DNER: variants seen among roughly 807,000 people sequenced by gnomAD.
The protein encoded by DNER is delta and Notch-like epidermal growth factor-related receptor.
A neutral mutation model predicts 78.2 loss-of-function variants in DNER; 33 were observed. The ratio of observed to expected loss-of-function variants is 0.42; its 90% CI spans 0.32 to 0.56. The LOEUF is 0.56. Ranked by LOEUF, DNER falls within the 20% of genes least tolerant of loss-of-function variation. The pLI, the probability that DNER is intolerant of heterozygous loss-of-function variation, is 0.11. For synonymous variants in DNER, 417 were observed against 384.8 expected (o/e 1.08, Z -0.98); for missense variants, 918 against 975.3 (o/e 0.94, Z 0.78).
chr2:229,413,524 T>C lies in DNER; in HGVS notation c.1609+4584A>G, dbSNP rs185475997. Among the ~76,000 whole-genome samples, 622 of 151,526 alleles carry C rather than the reference T, an allele frequency of 4.1e-3. 4 individuals are homozygous for C. Among genetic ancestry groups the C allele is most frequent in the African/African-American group, 0.014 (565 of 41,406 alleles). ...TTTTAGTAGAGATGGGGTTTCACCA[T>C]GTTAGCCAGGCTGGTCTCGAACTCC... On this transcript the variant is annotated intron_variant, in intron 9 of 12. Coordinates refer to ENST00000341772, the MANE Select transcript of DNER (RefSeq NM_139072.4).
chr2:229,713,496 G>A (rs1262246642), intron 1 of DNER, among the ~76,000 whole-genome samples: 2 of 152,332 alleles, frequency 1.3e-5, no homozygotes, highest in African/African-American at 4.8e-5. Flanking sequence ...CCCTGCCAGC[G>A]CCACGTACAA....
At chr2:229,706,851 C>G (rs2154217813) in intron 1 of DNER, among the ~76,000 whole-genome samples, 1 of 152,270 alleles carries the variant, frequency 6.6e-6, no homozygotes, top group Middle Eastern at 3.4e-3. Context: ...GCTGGGATTA[C>G]AGGTGTAAGC....
chr2:229,537,971 T>G (rs1489419321), intron 5 of DNER, among the ~76,000 whole-genome samples: 2 of 152,160 alleles, frequency 1.3e-5, no homozygotes, highest in African/African-American at 4.8e-5. Flanking sequence ...TAACGTAAAA[T>G]GCAGCAATGT....
At chr2:229,522,346 AG>A (rs1696116992) in intron 5 of DNER, among the ~76,000 whole-genome samples, 1 of 152,200 alleles carries the variant, frequency 6.6e-6, no homozygotes, top group Non-Finnish European at 1.5e-5. Context: ...GCACTCTTGG[AG>A]TGGTTATAAT....
chr2:229,608,742 A>G (rs1002390865), intron 1 of DNER, among the ~76,000 whole-genome samples: 6 of 152,068 alleles, frequency 3.9e-5, no homozygotes, highest in South Asian at 2.1e-4. Context: ...GTTGGGGAGG[A>G]GTAGGGTAGT....
chr2:229,509,017 G>A (rs1695806692), intron 6 of DNER, among the ~76,000 whole-genome samples: 1 of 152,224 alleles, frequency 6.6e-6, no homozygotes, highest in African/African-American at 2.4e-5. Context: ...GAACAAAGGA[G>A]GAGCCTATAA....
intron 6 of DNER, among the ~76,000 whole-genome samples, chr2:229,508,749 C>T (rs1241071013): frequency 6.6e-6 from 1 of 152,028 alleles, no homozygotes; most frequent in East Asian, 1.9e-4. Context: ...GGCGTGGTGG[C>T]AAGCACCTGT....
intron 6 of DNER, among the ~76,000 whole-genome samples, chr2:229,490,259 G>A (rs1453504697): frequency 6.6e-6 from 1 of 152,122 alleles, no homozygotes; most frequent in Non-Finnish European, 1.5e-5. Context: ...AAATTGAAGA[G>A]GGAGTACATC....
At chr2:229,690,247 T>A (rs915897075) in intron 1 of DNER, among the ~76,000 whole-genome samples, 1 of 152,204 alleles carries the variant, frequency 6.6e-6, no homozygotes, top group African/African-American at 2.4e-5. Context: ...GTCTAATATG[T>A]GGCCTGGGTT....
intron 1 of DNER, among the ~76,000 whole-genome samples, chr2:229,621,207 T>C (rs1698246049): frequency 6.6e-6 from 1 of 152,222 alleles, no homozygotes; most frequent in African/African-American, 2.4e-5. Flanking sequence ...ACGCCTACCA[T>C]CAGAAATTAC....
At chr2:229,520,482 A>T (rs1454907208) in intron 5 of DNER, among the ~76,000 whole-genome samples, 1 of 152,230 alleles carries the variant, frequency 6.6e-6, no homozygotes, top group Non-Finnish European at 1.5e-5. Flanking sequence ...ATTCATAGTT[A>T]AATGTCCAAA....
chr2:229,598,984 C>T (rs1697775653), intron 1 of DNER, among the ~76,000 whole-genome samples: 1 of 152,114 alleles, frequency 6.6e-6, no homozygotes, highest in Non-Finnish European at 1.5e-5. Flanking sequence ...AGGTCAGCTC[C>T]TCCAATATTA....
chr2:229,660,277 C>G lies in DNER; in HGVS notation c.276+53871G>C, dbSNP rs888471113. Among the ~76,000 whole-genome samples the G allele has an allele frequency of 2.3e-4, 35 of 152,148 alleles. 2 individuals carry two copies. Among genetic ancestry groups the G allele is most frequent in the Non-Finnish European group, 4.4e-5 (3 of 68,032 alleles). On this transcript the variant is annotated intron_variant, in intron 1 of 12. Coordinates refer to ENST00000341772, the MANE Select transcript of DNER (RefSeq NM_139072.4). ...TTTCCTGATCCTCTCCCTCCTCCCA[C>G]CCTCTACCCTCCAAAAGGCCCCAAT...
At chr2:229,522,082 G>C (rs1351193855) in intron 5 of DNER, among the ~76,000 whole-genome samples, 3 of 151,960 alleles carry the variant, frequency 2.0e-5, no homozygotes, top group Non-Finnish European at 4.4e-5. Flanking sequence ...TTCAGGACTT[G>C]ACATTCATGA....
chr2:229,426,038 T>C (rs1383838974), intron 8 of DNER, among the ~76,000 whole-genome samples: 1 of 152,148 alleles, frequency 6.6e-6, no homozygotes, highest in Non-Finnish European at 1.5e-5. Flanking sequence ...TCAAAGGATG[T>C]TTTCCCTTCT....
intron 6 of DNER, among the ~76,000 whole-genome samples, chr2:229,489,951 A>G (rs1695362389): frequency 6.6e-6 from 1 of 152,136 alleles, no homozygotes; most frequent in South Asian, 2.1e-4. Context: ...AAGATGGACC[A>G]ATATGTTGCA....
intron 4 of DNER, among the ~76,000 whole-genome samples, chr2:229,578,024 G>C (rs1040462031): frequency 6.6e-6 from 1 of 152,166 alleles, no homozygotes; most frequent in African/African-American, 2.4e-5. Context: ...GTGAATATTA[G>C]AGGCAGGGAA....
intron 7 of DNER, among the ~76,000 whole-genome samples, chr2:229,476,685 A>C (rs920176410): frequency 1.3e-5 from 2 of 152,200 alleles, no homozygotes; most frequent in Non-Finnish European, 2.9e-5. Flanking sequence ...AAACTATGCC[A>C]GCAGTAAAAC....
intron 5 of DNER, among the ~76,000 whole-genome samples, chr2:229,529,225 T>C (rs551163258): frequency 8.5e-5 from 13 of 152,086 alleles, no homozygotes; most frequent in Admixed American, 8.5e-4. Flanking sequence ...AAATCTACCA[T>C]ATGTGAAGAA....
Sources: gnomAD v4.1 joint callset for allele counts (sites outside exome capture counted in the v4.1 genomes callset) on GRCh38, gnomAD v4.1.1 for gene constraint, MANE v1.5 for transcripts, NCBI Gene and HGNC (gene_info 2026-07-23, HGNC 2026-07-21) for gene names.